Variants in ARHGEF12 observed in about 807,000 individuals in gnomAD.
ARHGEF12 encodes the protein KMT2A/ARHGEF12 fusion protein.
A neutral mutation model predicts 211.2 loss-of-function variants in ARHGEF12; 66 were observed. The observed-to-expected ratio is 0.31, with a 90% CI of 0.26 to 0.38. The LOEUF (loss-of-function observed/expected upper bound fraction) is 0.38, where lower values mean the gene tolerates loss of function less well. Ranked by LOEUF, ARHGEF12 falls within the 10% of genes least tolerant of loss-of-function variation. The pLI is 1.00. For synonymous variants in ARHGEF12, 592 were observed against 638.4 expected (o/e 0.93, Z 1.09); for missense variants, 1,429 against 1,869.5 (o/e 0.76, Z 4.34).
chr11:120,481,437 C>G lies in ARHGEF12; in HGVS notation c.4415C>G (p.Pro1472Arg). Residue 1472 changes from proline to arginine, a missense_variant, in exon 39 of 41, where the codon CCC becomes CGC. Physicochemically the swap from Pro to Arg is moderately radical, Grantham distance 103. This residue lies in a region of ARHGEF12 where 467 missense variants were observed against 468.4 expected (regional missense o/e 1.00). Transcript: ENST00000397843. ...GATGGGGCAATTTCACCATTCACCCCCGAATTTCTGGTCCAGCAGCGCTGG... is the reference window on the plus strand; with the variant it reads ...GATGGGGCAATTTCACCATTCACCCGCGAATTTCTGGTCCAGCAGCGCTGG... ...HSDGAISPFT[P>R]EFLVQQRWGA... is the part of the protein sequence containing the mutation. 1.2e-6 allele frequency: 2 copies of G among 1,614,196 alleles called. No homozygotes were observed. The highest frequency in any genetic ancestry group is 1.7e-6 in the Non-Finnish European group (2 of 1,180,048).
chr11:120,385,494 A>G (rs986939780), intron 1 of ARHGEF12: 113 of 985,278 alleles, frequency 1.1e-4, no homozygotes, highest in Non-Finnish European at 1.3e-4. Context: ...CAGGTAATCT[A>G]CTGCAGTCTT....
At position 120,442,192 on chromosome 11, in the gene ARHGEF12, A is replaced by T. The variant is rs1448309733; in HGVS notation, c.1292A>T (p.Asp431Val). The T allele has an allele frequency of 6.2e-7, 1 of 1,606,264 alleles. No homozygotes were observed. The highest frequency in any genetic ancestry group is 1.3e-5 in the African/African-American group (1 of 74,788). Residue 431 changes from aspartate to valine, a missense_variant, in exon 15 of 41, where the codon GAT becomes GTT. Transcript: ENST00000397843. ...CTTGAGTTTCATCAGTTCTTTCTAG[A>T]TCGATCAGCAGTAAGTTGCCAAGTT... ...IFLEFHQFFL[D>V]RSAHLKVSVP...
chr11:120,399,320 CCA>C (rs1944481988), intron 1 of ARHGEF12, among the ~76,000 whole-genome samples: 2 of 10,302 alleles, frequency 1.9e-4, no homozygotes, highest in Non-Finnish European at 3.4e-4. Flanking sequence ...GACATTGTCT[CCA>C]AAAAAAAAAA....
chr11:120,446,950 A>G lies in ARHGEF12; in HGVS notation c.1454A>G (p.Gln485Arg), dbSNP rs1946064544. 3.7e-6 allele frequency: 6 copies of G among 1,613,286 alleles called. No homozygotes were observed. The African/African-American group carries it at 4.0e-5, about 11-fold the overall frequency. The change falls in exon 18 of 41, where the codon CAG becomes CGG. Residue 485 changes from glutamine to arginine, a missense_variant and splice_region_variant. Physicochemically the swap from Gln to Arg is conservative, Grantham distance 43. Coordinates refer to ENST00000397843, the MANE Select transcript of ARHGEF12 (RefSeq NM_015313.3). ...EVQRHLEDFR[Q>R]KRSMGLTLAE... is the part of the protein sequence containing the mutation. ...GGAAACTTCTCTATTCCCTTCAGGC[A>G]GAAACGTAGTATGGGACTGACCTTG...
At chr11:120,347,266 C>CTCTCTCTCTGTG (rs1426650315) in intron 1 of ARHGEF12, among the ~76,000 whole-genome samples, 1 of 133,502 alleles carries the variant, frequency 7.5e-6, no homozygotes, top group African/African-American at 3.0e-5. Flanking sequence ...CTCTCTCTCT[C>CTCTCTCTCTGTG]TGTCTGTGTG....
chr11:120,409,345 T>C, intron 3 of ARHGEF12, 49 bp from the exon 4 acceptor site: 1 of 1,588,970 alleles, frequency 6.3e-7, no homozygotes, highest in Non-Finnish European at 8.6e-7. Flanking sequence ...CCCCTTACAT[T>C]GTCTCCATAT....
Position 120,356,277 on chromosome 11 carries a change from G to A in ARHGEF12, c.32+19002G>A, listed in dbSNP as rs145167177. ...GCTCTGTCTCCCAGGCTGGAGTGCC[G>A]TGGCATGATCTTGGCTCACTGCAAT... On this transcript the variant is annotated intron_variant, in intron 1 of 40. Coordinates refer to ENST00000397843, the MANE Select transcript of ARHGEF12 (RefSeq NM_015313.3). Among the ~76,000 whole-genome samples the A allele has an allele frequency of 3.3e-5, 5 of 152,280 alleles. No homozygotes were observed. In the East Asian group the frequency reaches 7.7e-4, roughly 23 times the overall value.
chr11:120,472,377 C>G (rs1017985570), intron 30 of ARHGEF12, among the ~76,000 whole-genome samples: 8 of 151,784 alleles, frequency 5.3e-5, no homozygotes, highest in African/African-American at 1.9e-4. Context: ...GTGATTGCTT[C>G]TTTAGGGAAA....
intron 1 of ARHGEF12, chr11:120,385,518 G>A (rs956523029): frequency 6.8e-5 from 67 of 984,484 alleles, no homozygotes; most frequent in African/African-American, 1.7e-4. Context: ...TTTCTGGGTC[G>A]TGTATAAAAT....
At chr11:120,355,239 C>T (rs1432142111) in intron 1 of ARHGEF12, among the ~76,000 whole-genome samples, 1 of 152,190 alleles carries the variant, frequency 6.6e-6, no homozygotes, top group Non-Finnish European at 1.5e-5. Context: ...AAGGTTATTA[C>T]ACAAGCAGCA....
At chr11:120,395,056 CAAAAA>C (rs758953056) in intron 1 of ARHGEF12, among the ~76,000 whole-genome samples, 4 of 34,588 alleles carry the variant, frequency 1.2e-4, no homozygotes, top group African/African-American at 2.1e-4. Context: ...GACTCTATCT[CAAAAA>C]AAAAAAAAAA....
At position 120,457,229 on chromosome 11, in the gene ARHGEF12, A is replaced by C; in HGVS notation, c.2168A>C (p.Glu723Ala). 1 of 1,614,062 alleles carries C rather than the reference A, an allele frequency of 6.2e-7. No individual in the cohort carries two copies. Residue 723 changes from glutamate to alanine, a missense_variant, in exon 23 of 41, where the codon GAG becomes GCG. Glu to Ala is a moderately radical substitution (Grantham distance 107). This residue lies in a region of ARHGEF12 where 373 missense variants were observed against 467.5 expected (regional missense o/e 0.80). Transcript: ENST00000397843. Reference protein sequence around the residue: ...FPPPPLDQVQEEECEVERVTE... With the variant: ...FPPPPLDQVQAEECEVERVTE... The stretch of plus-strand genomic sequence containing the variant: ...CCACCTCCATTAGACCAAGTGCAGG[A>C]GGAGGAATGTGAAGTAGAAAGGTAA...
intron 1 of ARHGEF12, among the ~76,000 whole-genome samples, chr11:120,358,981 T>C (rs976325296): frequency 6.6e-6 from 1 of 152,016 alleles, no homozygotes; most frequent in African/African-American, 2.4e-5. Flanking sequence ...TGAGTGCTGA[T>C]TGTTGGTAGG....
chr11:120,377,860 TTC>T (rs541892327), intron 1 of ARHGEF12, among the ~76,000 whole-genome samples: 105 of 152,324 alleles, frequency 6.9e-4, no homozygotes, highest in African/African-American at 2.4e-3. Flanking sequence ...ATATTTTTCT[TTC>T]TCTTTGGTAA....
intron 4 of ARHGEF12, among the ~76,000 whole-genome samples, chr11:120,419,072 G>A (rs1945109847): frequency 6.6e-6 from 1 of 151,468 alleles, no homozygotes; most frequent in Non-Finnish European, 1.5e-5. Context: ...CCATTCTTCT[G>A]CCTCAGCCTC....
chr11:120,441,765 A>G lies in ARHGEF12; in HGVS notation c.1151A>G (p.His384Arg). The stretch of plus-strand genomic sequence containing the variant: ...GAATTACTAAAATCTCGCCCGGCTC[A>G]TTTGGCTGTTTTCTTACACCATGTA... ...SIELLKSRPA[H>R]LAVFLHHVVS... Residue 384 changes from histidine (H) to arginine (R), a missense_variant, in exon 14 of 41, where the codon CAT becomes CGT. His to Arg is a conservative substitution (Grantham distance 29). This residue lies in a region of ARHGEF12 where 11 missense variants were observed against 32.9 expected (regional missense o/e 0.33). Coordinates refer to ENST00000397843, the MANE Select transcript of ARHGEF12 (RefSeq NM_015313.3). 1 of 1,613,918 alleles carries G rather than the reference A, an allele frequency of 6.2e-7. No homozygotes were observed. Among genetic ancestry groups the G allele is most frequent in the Non-Finnish European group, 8.5e-7 (1 of 1,179,830 alleles).
intron 34 of ARHGEF12, 114 bp from the exon 35 acceptor site, chr11:120,477,105 G>T: frequency 1.4e-6 from 1 of 708,806 alleles, no homozygotes; most frequent in Non-Finnish European, 2.4e-6. Context: ...TGTTGTTGTT[G>T]TTGTTGTTGT....
chr11:120,429,694 A>G lies in ARHGEF12; in HGVS notation c.664-18A>G. The stretch of plus-strand genomic sequence containing the variant: ...TACATAAGTAATTAATTCTGAAAAT[A>G]TTTTTATAACTTTTCAGTTATTGCA... On this transcript the variant is annotated intron_variant, in intron 9 of 40. Transcript: ENST00000397843. The G allele has an allele frequency of 6.2e-7, 1 of 1,602,964 alleles. No homozygotes were observed. The highest frequency in any genetic ancestry group is 2.2e-5 in the East Asian group (1 of 44,730).
chr11:120,479,199 TC>T (rs1487975404), intron 37 of ARHGEF12, among the ~76,000 whole-genome samples: 2 of 152,144 alleles, frequency 1.3e-5, no homozygotes, highest in East Asian at 3.9e-4. Context: ...CCATGAGACT[TC>T]CTGGCATCTC....
Sources: allele counts gnomAD v4.1 joint callset (sites outside exome capture counted in the v4.1 genomes callset), GRCh38; gene constraint gnomAD v4.1.1; regional missense constraint gnomAD v4.1.1; transcripts MANE v1.5; gene names NCBI Gene and HGNC (gene_info 2026-07-23, HGNC 2026-07-21).